The following TMEFF2 variants were observed in gnomAD, a reference collection of about 807,000 sequenced individuals.
TMEFF2 encodes transmembrane protein with EGF like and two follistatin like domains 2, also known as tomoregulin-2.
In TMEFF2, 28 loss-of-function variants were observed where a neutral mutation model predicts 53.8. The ratio of observed to expected loss-of-function variants is 0.52; its 90% CI spans 0.39 to 0.71. The LOEUF is 0.71. Ranked by LOEUF, TMEFF2 falls within the 30% of genes least tolerant of loss-of-function variation. The pLI is 0.00. For missense variants in TMEFF2, 353 were observed against 455.2 expected (o/e 0.78, Z 2.04); for synonymous variants, 162 against 166.3 (o/e 0.97, Z 0.20).
intron 5 of TMEFF2, among the ~76,000 whole-genome samples, chr2:192,053,008 A>T (rs1350199291): frequency 6.6e-6 from 1 of 152,184 alleles, no homozygotes; most frequent in African/African-American, 2.4e-5. Context: ...TATTGAGAGA[A>T]CCTAAAATTT....
At chr2:192,171,640 C>A (rs1690916677) in intron 4 of TMEFF2, among the ~76,000 whole-genome samples, 2 of 152,006 alleles carry the variant, frequency 1.3e-5, no homozygotes, top group Non-Finnish European at 2.9e-5. Flanking sequence ...CCCAGACATG[C>A]ATCTGCTTCA....
At chr2:191,963,136 T>TTTG (rs1399625774) in intron 7 of TMEFF2, among the ~76,000 whole-genome samples, 1 of 152,102 alleles carries the variant, frequency 6.6e-6, no homozygotes, top group Non-Finnish European at 1.5e-5. Flanking sequence ...TCTGGGGCAA[T>TTTG]TTGTTGCAGC....
intron 5 of TMEFF2, among the ~76,000 whole-genome samples, chr2:192,007,603 A>G (rs987270087): frequency 6.6e-6 from 1 of 152,222 alleles, no homozygotes; most frequent in African/African-American, 2.4e-5. Context: ...ACAACGCTCT[A>G]GACAGATTGC....
chr2:192,060,042 TA>T lies in TMEFF2; in HGVS notation c.440-2268del, dbSNP rs1688005976. Among the ~76,000 whole-genome samples the T allele has an allele frequency of 2.3e-4, 4 of 17,322 alleles. No homozygotes were observed. In the Admixed American group the frequency reaches 4.0e-3, roughly 17 times the overall value. The allele number at this position is 17,322 out of a possible 152,430, so 11.4% of individuals were successfully genotyped here. On this transcript the variant is annotated intron_variant, in intron 4 of 9. Transcript: ENST00000272771. ...CTGATTCAGAGGCTTTCGTGGATCA[TA>T]TTTTTTTTTTTTTAATAAAAATGCC...
chr2:192,136,256 G>C (rs1331746290), intron 4 of TMEFF2, among the ~76,000 whole-genome samples: 1 of 152,000 alleles, frequency 6.6e-6, no homozygotes, highest in African/African-American at 2.4e-5. Context: ...AATCTTAAAA[G>C]GTTAAATACA....
chr2:192,037,325 G>A (rs1687336668), intron 5 of TMEFF2, among the ~76,000 whole-genome samples: 1 of 145,140 alleles, frequency 6.9e-6, no homozygotes, highest in African/African-American at 2.7e-5. Context: ...AAGAAAGAAA[G>A]AAAGAAAGAA....
chr2:192,064,197 T>G (rs1269800101), intron 4 of TMEFF2, among the ~76,000 whole-genome samples: 1 of 151,836 alleles, frequency 6.6e-6, no homozygotes, highest in Non-Finnish European at 1.5e-5. Flanking sequence ...AGTGTTTCTT[T>G]GTTATTATGA....
At chr2:192,117,977 C>CTTTTTTTTTTTTTTTTTTTTT (rs1553521415) in intron 4 of TMEFF2, among the ~76,000 whole-genome samples, 2 of 124,966 alleles carry the variant, frequency 1.6e-5, no homozygotes, top group African/African-American at 7.3e-5. Context: ...TCTTTCATTG[C>CTTTTTTTTTTTTTTTTTTTTT]TTTGTTTGTG....
intron 4 of TMEFF2, among the ~76,000 whole-genome samples, chr2:192,068,760 C>A (rs1370288672): frequency 6.6e-6 from 1 of 151,522 alleles, no homozygotes; most frequent in Admixed American, 6.6e-5. Flanking sequence ...ACTTCTAAGT[C>A]GAGGTAAAGA....
chr2:192,094,283 A>G (rs1688854833), intron 4 of TMEFF2, among the ~76,000 whole-genome samples: 1 of 152,154 alleles, frequency 6.6e-6, no homozygotes, highest in Admixed American at 6.6e-5. Context: ...TTTTATTATC[A>G]TGCTCCTCAT....
rs771497940 is a variant in TMEFF2 at position 191,999,061 on chromosome 2, T to C, written c.684A>G (p.Gln228=). 8 of 1,607,668 alleles carry C rather than the reference T, an allele frequency of 5.0e-6. No individual in the cohort carries two copies. In the South Asian group the frequency reaches 5.5e-5, roughly 11 times the overall value. Residue 228 remains glutamine (Q), a splice_region_variant and synonymous_variant, in exon 6 of 10, where the codon CAA becomes CAG. Transcript: ENST00000272771. ...KIEVMSLGRC[Q]DNTTTTTKSE... ...AATGAATTTTGGTATGAACATTACC[T>C]TGACATCGACCCAAAGACATGACTT...
chr2:191,999,425 T>TG (rs5837272), intron 5 of TMEFF2, among the ~76,000 whole-genome samples: 150,318 of 152,102 alleles, frequency 0.99, 74,306 homozygotes, highest in Middle Eastern at 1. Flanking sequence ...GGATAAAAAA[T>TG]AAAAGGAAAA....
intron 9 of TMEFF2, among the ~76,000 whole-genome samples, chr2:191,952,119 G>A (rs1691903866): frequency 6.6e-6 from 1 of 152,186 alleles, no homozygotes; most frequent in Non-Finnish European, 1.5e-5. Flanking sequence ...TCTCTATCTT[G>A]AAAGTGGAGA....
chr2:191,972,854 A>G (rs1692688288), intron 7 of TMEFF2, among the ~76,000 whole-genome samples: 1 of 152,216 alleles, frequency 6.6e-6, no homozygotes, highest in Non-Finnish European at 1.5e-5. Flanking sequence ...TTTTGAGATT[A>G]CATTGAAAAT....
intron 5 of TMEFF2, among the ~76,000 whole-genome samples, chr2:192,014,683 C>A (rs1363951650): frequency 1.3e-5 from 2 of 152,180 alleles, no homozygotes; most frequent in Non-Finnish European, 2.9e-5. Flanking sequence ...TCTGATCTGA[C>A]TTCCGATTAT....
chr2:191,955,845 A>C (rs1397583626), intron 8 of TMEFF2, among the ~76,000 whole-genome samples: 2 of 152,236 alleles, frequency 1.3e-5, no homozygotes, highest in Non-Finnish European at 2.9e-5. Context: ...TTAGGAAAAG[A>C]TGAACTCTGA....
chr2:191,977,735 TGAA>T (rs1377595534), intron 7 of TMEFF2, among the ~76,000 whole-genome samples: 3 of 152,234 alleles, frequency 2.0e-5, no homozygotes, highest in Middle Eastern at 3.2e-3. Flanking sequence ...TCTTATGACT[TGAA>T]GTGTATCTCA....
At chr2:192,186,615 G>T (rs1381467425) in intron 2 of TMEFF2, among the ~76,000 whole-genome samples, 2 of 152,142 alleles carry the variant, frequency 1.3e-5, no homozygotes, top group African/African-American at 4.8e-5. Context: ...GTAGACAGAA[G>T]AGAGTCATAA....
At chr2:191,965,056 G>C (rs986982494) in intron 7 of TMEFF2, among the ~76,000 whole-genome samples, 2 of 152,092 alleles carry the variant, frequency 1.3e-5, no homozygotes, top group Admixed American at 1.3e-4. Flanking sequence ...TTCCCTGAGA[G>C]AGCTCATCAT....
Sources: gnomAD v4.1 joint callset for allele counts (sites outside exome capture counted in the v4.1 genomes callset) on GRCh38, gnomAD v4.1.1 for gene constraint, MANE v1.5 for transcripts, NCBI Gene and HGNC (gene_info 2026-07-23, HGNC 2026-07-21) for gene names.